The following JPT2 variants were observed in gnomAD, a reference collection of about 807,000 sequenced individuals.
JPT2 encodes the protein Jupiter microtubule associated homolog 2.
A neutral mutation model predicts 15.9 loss-of-function variants in JPT2; 9 were observed. The observed-to-expected ratio is 0.57, with a 90% CI of 0.34 to 0.99. The LOEUF (loss-of-function observed/expected upper bound fraction) is 0.99, where lower values mean the gene tolerates loss of function less well. Ranked by LOEUF, JPT2 falls within the 50% of genes least tolerant of loss-of-function variation. JPT2 has a pLI of 0.02. For missense variants in JPT2, 267 were observed against 252.1 expected, an observed-to-expected ratio of 1.06 and a Z score of -0.40; for synonymous variants, 95 against 91.7, an observed-to-expected ratio of 1.04 and a Z score of -0.21.
At chr16:1,687,165 T>A (rs578192918) in intron 2 of JPT2, among the ~76,000 whole-genome samples, 2 of 152,212 alleles carry the variant, frequency 1.3e-5, no homozygotes, top group East Asian at 3.9e-4. Context: ...TTTTGTATTT[T>A]TTGTGGAGAC....
At chr16:1,692,136 G>A (rs2037107942) in intron 3 of JPT2, 151 bp downstream of exon 3, 11 of 1,034,960 alleles carry the variant, frequency 1.1e-5, no homozygotes, top group Non-Finnish European at 1.5e-5. Flanking sequence ...CATCGAGTTT[G>A]GAAGTTCCCC....
chr16:1,693,759 A>T (rs78753726), intron 3 of JPT2, among the ~76,000 whole-genome samples: 1 of 151,750 alleles, frequency 6.6e-6, no homozygotes, highest in Admixed American at 6.6e-5. Flanking sequence ...GAATATACAA[A>T]ATAAGCGTAG....
chr16:1,692,996 A>C (rs1386261103), intron 3 of JPT2, among the ~76,000 whole-genome samples: 1 of 152,184 alleles, frequency 6.6e-6, no homozygotes, highest in Non-Finnish European at 1.5e-5. Context: ...ATTGCCCTAC[A>C]TCTCTCTTGT....
Position 1,698,605 on chromosome 16 carries a change from T to G in JPT2, c.386-206T>G, listed in dbSNP as rs2037159232. ...TATTTACAGTAGCAAGCCCCAACTT[T>G]ATGCCCATTTCAAAACTGCATCTGC... On this transcript the variant is annotated intron_variant, in intron 4 of 4. Transcript: ENST00000248098. This position sits in a 1 kb window ranked among gnomAD's most constrained non-coding sequence, Gnocchi z 4.9. Among the ~76,000 whole-genome samples, 1 of 152,236 alleles carries G rather than the reference T, an allele frequency of 6.6e-6. No individual in the cohort carries two copies. Among genetic ancestry groups the G allele is most frequent in the Admixed American group, 6.5e-5 (1 of 15,286 alleles).
intron 3 of JPT2, among the ~76,000 whole-genome samples, chr16:1,695,166 G>A (rs1188717441): frequency 6.6e-6 from 1 of 152,162 alleles, no homozygotes; most frequent in Non-Finnish European, 1.5e-5. Flanking sequence ...AGCACCTTGG[G>A]AGGCCGAGGC....
chr16:1,699,357 G>A lies in JPT2; in HGVS notation c.*359G>A, dbSNP rs10771. ...GGAATGACTGAAAGAAACCAAAACA[G>A]CCTGTCCACTGCTGCTGTGGGATGG... On this transcript the variant is annotated 3_prime_UTR_variant, in exon 5 of 5. Transcript: ENST00000248098. The A allele has an allele frequency of 0.099, 47,706 of 479,464 alleles. 3,741 individuals carry two copies. The highest frequency in any genetic ancestry group is 0.3 in the African/African-American group (15,557 of 51,368). The allele number at this position is 479,464 out of a possible 1,614,324, so 29.7% of individuals were successfully genotyped here. A position where few individuals can be genotyped will look rare whatever the true frequency, so the allele number is the denominator to read the frequency against.
In JPT2 at chr16:1,698,117, G is replaced by T. The variant is rs2037155517; in HGVS notation, c.385+257G>T. On this transcript the variant is annotated intron_variant, in intron 4 of 4. Coordinates refer to ENST00000248098, the MANE Select transcript of JPT2 (RefSeq NM_144570.3). This position sits in a 1 kb window ranked among gnomAD's most constrained non-coding sequence, Gnocchi z 4.9. ...CGTCTCCTAGAAGCTCATCTGTGTA[G>T]TGATGGGCAGGGATCCCAAACCTTC... Among the ~76,000 whole-genome samples, 2 of 152,240 alleles carry T rather than the reference G, an allele frequency of 1.3e-5. No homozygotes were observed. The highest frequency in any genetic ancestry group is 2.1e-4 in the South Asian group (1 of 4,832).
At position 1,678,333 on chromosome 16, in the gene JPT2, C is replaced by T. The variant is rs759653499; in HGVS notation, c.21C>T (p.Ser7=). Residue 7 remains serine (S), a synonymous_variant, in exon 1 of 5, where the codon AGC becomes AGT. Coordinates refer to ENST00000248098, the MANE Select transcript of JPT2 (RefSeq NM_144570.3). MFQVPD[S]EGGRAGSRAM... ...TCGACATGTTCCAGGTCCCGGATAG[C>T]GAGGGCGGCCGCGCCGGCTCCAGGT... 63 of 1,234,102 alleles carry T rather than the reference C, an allele frequency of 5.1e-5. No homozygotes were observed. Among genetic ancestry groups the T allele is most frequent in the Non-Finnish European group, 5.3e-5 (52 of 986,520 alleles). The allele number at this position is 1,234,102 out of a possible 1,614,324, so 76.4% of individuals were successfully genotyped here.
Position 1,691,951 on chromosome 16 carries a change from C to G in JPT2, c.302C>G (p.Ala101Gly). 1 of 1,614,200 alleles carries G rather than the reference C, an allele frequency of 6.2e-7. No individual in the cohort carries two copies. Among genetic ancestry groups the G allele is most frequent in the Non-Finnish European group, 8.5e-7 (1 of 1,180,032 alleles). ...TSDIFGSPVTATSRLAHPNKP... is the reference protein window; with the variant it reads ...TSDIFGSPVTGTSRLAHPNKP... The stretch of plus-strand genomic sequence containing the variant: ...GACATTTTTGGGTCTCCGGTCACTG[C>G]CACTTCACGCTTGGCACACCCAAAC... Residue 101 changes from alanine (A) to glycine (G), a missense_variant, in exon 3 of 5, where the codon GCC becomes GGC. Transcript: ENST00000248098.
At chr16:1,696,111 C>T (rs969770978) in intron 3 of JPT2, among the ~76,000 whole-genome samples, 1 of 152,072 alleles carries the variant, frequency 6.6e-6, no homozygotes, top group Admixed American at 6.6e-5. Context: ...TGCCTGTAAT[C>T]CCAGGTACTC....
chr16:1,691,369 A>C (rs2037102540), intron 2 of JPT2, among the ~76,000 whole-genome samples: 1 of 152,226 alleles, frequency 6.6e-6, no homozygotes, highest in African/African-American at 2.4e-5. Context: ...GGTCAGAAGA[A>C]TGACTAATAA....
chr16:1,679,308 G>C (rs1000499987), intron 1 of JPT2, among the ~76,000 whole-genome samples: 2 of 152,210 alleles, frequency 1.3e-5, no homozygotes, highest in Admixed American at 1.3e-4. Flanking sequence ...ATACTATATT[G>C]CTTCTCAGCC....
intron 1 of JPT2, chr16:1,680,507 G>A: frequency 8.0e-7 from 1 of 1,242,328 alleles, no homozygotes; most frequent in South Asian, 1.3e-5. Flanking sequence ...AGGTATCACT[G>A]GAAGCTTCTG....
chr16:1,698,827 G>T lies in JPT2; in HGVS notation c.402G>T (p.Pro134=). 5 of 1,612,980 alleles carry T rather than the reference G, an allele frequency of 3.1e-6. No individual in the cohort carries two copies. The highest frequency in any genetic ancestry group is 4.2e-6 in the Non-Finnish European group (5 of 1,179,614). Residue 134 remains proline, a synonymous_variant, in exon 5 of 5, where the codon CCG becomes CCT. Coordinates refer to ENST00000248098, the MANE Select transcript of JPT2 (RefSeq NM_144570.3). This position sits in a 1 kb window ranked among gnomAD's most constrained non-coding sequence, Gnocchi z 4.9. The part of the protein sequence containing the change: ...KSDLKAARSI[P]AGAEPGEKGS... ...GTCCCACAGCTGCAAGGAGCATCCC[G>T]GCTGGAGCAGAGCCAGGTGAGAAAG...
chr16:1,678,296 G>A lies in JPT2; in HGVS notation c.-17G>A. 1.6e-6 allele frequency: 2 copies of A among 1,236,864 alleles called. No homozygotes were observed. Among genetic ancestry groups the A allele is most frequent in the Non-Finnish European group, 2.0e-6 (2 of 987,146 alleles). 76.6% of individuals were successfully genotyped at this position (1,236,864 alleles called of 1,614,324 possible). A position where few individuals can be genotyped will look rare whatever the true frequency, so the allele number is the denominator to read the frequency against. On this transcript the variant is annotated 5_prime_UTR_variant, in exon 1 of 5. Coordinates refer to ENST00000248098, the MANE Select transcript of JPT2 (RefSeq NM_144570.3). ...GCGGGAACGGCGCGCGGCGAGCTGA[G>A]GGTGGCGGCGGTCGACATGTTCCAG...
At position 1,683,478 on chromosome 16, in the gene JPT2, C is replaced by G. The variant is rs1241431971; in HGVS notation, c.45-1961C>G. 3.3e-5 allele frequency: 46 copies of G among 1,412,946 alleles called. No individual in the cohort carries two copies. In the Admixed American group the frequency reaches 8.9e-4, roughly 27 times the overall value. The allele number at this position is 1,412,946 out of a possible 1,614,324, so 87.5% of individuals were successfully genotyped here. ...AATAATTTTTCTTAAGTGCACCTGT[C>G]TTTTTTTTTCTCCCTCCTCAAATCC... On this transcript the variant is annotated intron_variant, in intron 1 of 4. Transcript: ENST00000248098.
chr16:1,696,239 A>AAAAC (rs59665246), intron 3 of JPT2, among the ~76,000 whole-genome samples: 43,177 of 150,998 alleles, frequency 0.29, 8,425 homozygotes, highest in African/African-American at 0.53. Flanking sequence ...AAAAAAACAA[A>AAAAC]AAACAAACAA....
At chr16:1,683,606 C>A (rs902987382) in intron 1 of JPT2, 3 of 1,532,400 alleles carry the variant, frequency 2.0e-6, no homozygotes, top group Non-Finnish European at 1.7e-6. Context: ...GGCCAGCACA[C>A]GCTTGGTTTC....
chr16:1,694,503 G>A (rs993407375), intron 3 of JPT2, among the ~76,000 whole-genome samples: 1 of 152,202 alleles, frequency 6.6e-6, no homozygotes, highest in African/African-American at 2.4e-5. Context: ...TAATTCATAT[G>A]GAATTTCATG....
Sources: gnomAD v4.1 joint callset for allele counts (sites outside exome capture counted in the v4.1 genomes callset) on GRCh38, gnomAD v4.1.1 for gene constraint, Gnocchi (gnomAD v3.1) non-coding constraint, MANE v1.5 for transcripts, NCBI Gene and HGNC (gene_info 2026-07-23, HGNC 2026-07-21) for gene names.